ST8SIA5: variants seen among roughly 807,000 people sequenced by gnomAD.
The protein encoded by ST8SIA5 is ST8 alpha-N-acetyl-neuraminide alpha-2,8-sialyltransferase 5.
A neutral mutation model predicts 40.2 loss-of-function variants in ST8SIA5; 24 were observed. That is an observed-to-expected ratio of 0.60 (90% CI 0.43 to 0.84). ST8SIA5 has a LOEUF of 0.84. Ranked by LOEUF, ST8SIA5 falls within the 40% of genes least tolerant of loss-of-function variation. The pLI is 0.00. For synonymous variants in ST8SIA5, 198 were observed against 201.8 expected, an observed-to-expected ratio of 0.98 and a Z score of 0.16; for missense variants, 465 against 498.5, an observed-to-expected ratio of 0.93 and a Z score of 0.64.
chr18:46,712,623 T>A (rs1020486341), intron 1 of ST8SIA5, among the ~76,000 whole-genome samples: 1 of 152,170 alleles, frequency 6.6e-6, no homozygotes, highest in Admixed American at 6.5e-5. Flanking sequence ...AGCTCCTCCA[T>A]GGCCTGTCTG....
rs983719306 is a variant in ST8SIA5, at chr18:46,756,472, A to G, written c.37T>C (p.Leu13=). 1.2e-6 allele frequency: 2 copies of G among 1,613,100 alleles called. No individual in the cohort carries two copies. The highest frequency in any genetic ancestry group is 1.3e-5 in the African/African-American group (1 of 74,986). The change falls in exon 1 of 7, where the codon TTG becomes CTG. Residue 13 remains leucine (L), a synonymous_variant. Transcript: ENST00000315087. Reference sequence around the variant, plus strand: ...ATGAAGAGCAAAGTTCGGCTCCCCAACAAATCCCGGTTGGCCGAGGGGTCC... The same window carrying G: ...ATGAAGAGCAAAGTTCGGCTCCCCAGCAAATCCCGGTTGGCCGAGGGGTCC... ...YADPSANRDL[L]GSRTLLFIFI... is the part of the protein sequence containing the mutation.
chr18:46,755,989 C>A (rs1048155983), intron 1 of ST8SIA5, among the ~76,000 whole-genome samples: 1 of 152,176 alleles, frequency 6.6e-6, no homozygotes, highest in Non-Finnish European at 1.5e-5. Context: ...AACAAACAAA[C>A]AATCGATACG....
chr18:46,732,056 C>T (rs1342201384), intron 1 of ST8SIA5, among the ~76,000 whole-genome samples: 1 of 152,134 alleles, frequency 6.6e-6, no homozygotes, highest in Non-Finnish European at 1.5e-5. Context: ...CTCATTTGTC[C>T]AAGAGGGGCA....
intron 2 of ST8SIA5, 151 bp from the exon 3 acceptor site, chr18:46,692,406 TTTC>T (rs2039515068): frequency 3.1e-6 from 2 of 642,332 alleles, no homozygotes; most frequent in South Asian, 1.9e-5. Context: ...TCTTTCTTTG[TTTC>T]TTTTTTTTTT....
chr18:46,705,841 G>T (rs968934375), intron 1 of ST8SIA5, among the ~76,000 whole-genome samples: 2 of 152,228 alleles, frequency 1.3e-5, no homozygotes, highest in Non-Finnish European at 2.9e-5. Flanking sequence ...GGTGAGAGGG[G>T]CTCCCCAGGG....
intron 1 of ST8SIA5, among the ~76,000 whole-genome samples, chr18:46,733,543 AC>A (rs1405469520): frequency 6.6e-6 from 1 of 151,918 alleles, no homozygotes; most frequent in African/African-American, 2.4e-5. Flanking sequence ...ACGACAATAA[AC>A]TAACAGGCGA....
chr18:46,711,284 C>T (rs111925391), intron 1 of ST8SIA5, among the ~76,000 whole-genome samples: 1,940 of 152,220 alleles, frequency 0.013, 37 homozygotes, highest in African/African-American at 0.045. Flanking sequence ...AGCCTGATAC[C>T]AGACCATTTA....
chr18:46,697,461 GC>G (rs1207507975), intron 2 of ST8SIA5, among the ~76,000 whole-genome samples: 1 of 152,120 alleles, frequency 6.6e-6, no homozygotes, highest in Non-Finnish European at 1.5e-5. Context: ...GTATGTGGAA[GC>G]AAAAAGAGGA....
At chr18:46,718,049 C>T (rs985517326) in intron 1 of ST8SIA5, among the ~76,000 whole-genome samples, 3 of 152,168 alleles carry the variant, frequency 2.0e-5, no homozygotes, top group African/African-American at 7.2e-5. Context: ...ATTATTCCGG[C>T]TGGGTGCTGT....
intron 1 of ST8SIA5, among the ~76,000 whole-genome samples, chr18:46,712,212 C>T (rs2039739650): frequency 6.6e-6 from 1 of 152,194 alleles, no homozygotes; most frequent in South Asian, 2.1e-4. Context: ...AAATTCAGCT[C>T]AACAGCCAGG....
At chr18:46,729,720 C>T (rs1040464508) in intron 1 of ST8SIA5, among the ~76,000 whole-genome samples, 1 of 152,218 alleles carries the variant, frequency 6.6e-6, no homozygotes, top group Non-Finnish European at 1.5e-5. Flanking sequence ...TAACCTGTCA[C>T]TAAGACTCCA....
At chr18:46,735,989 T>G (rs531855435) in intron 1 of ST8SIA5, among the ~76,000 whole-genome samples, 64 of 152,322 alleles carry the variant, frequency 4.2e-4, no homozygotes, top group African/African-American at 1.5e-3. Flanking sequence ...GTTCTCTCTG[T>G]GTTGTTACAG....
At position 46,680,018 on chromosome 18, in the gene ST8SIA5, GC is replaced by G; in HGVS notation, c.*23del. On this transcript the variant is annotated 3_prime_UTR_variant, in exon 7 of 7. Coordinates refer to ENST00000315087, the MANE Select transcript of ST8SIA5 (RefSeq NM_013305.6). ...GACAGCAGGAGAGGGGGCGCCGCTTGCCGGGCAGCCTGGCTGGCAGCCATCA... is the reference window on the plus strand; with the variant it reads ...GACAGCAGGAGAGGGGGCGCCGCTTGCGGGCAGCCTGGCTGGCAGCCATCA... 6.3e-7 allele frequency: 1 copy of G among 1,581,008 alleles called. No homozygotes were observed. Among genetic ancestry groups the G allele is most frequent in the African/African-American group, 1.3e-5 (1 of 74,542 alleles).
chr18:46,682,223 C>T (rs1394752625), intron 5 of ST8SIA5, among the ~76,000 whole-genome samples, 159 bp from the exon 6 acceptor site: 1 of 152,244 alleles, frequency 6.6e-6, no homozygotes, highest in Non-Finnish European at 1.5e-5. Context: ...GACAGTGGTC[C>T]TTCTGCTCCT....
Position 46,670,201 on chromosome 18 carries a change from T to C in ST8SIA5, c.*9841A>G, listed in dbSNP as rs1433878069. The C allele has an allele frequency of 6.6e-6, 1 of 152,180 alleles. No homozygotes were observed. Among genetic ancestry groups the C allele is most frequent in the Non-Finnish European group, 1.5e-5 (1 of 68,036 alleles). The allele number at this position is 152,180 out of a possible 1,614,324, so 9.4% of individuals were successfully genotyped here. Reference sequence around the variant, plus strand: ...GCACCAAGACTTTTGTGAAAGTATTTTAACTGTTTGGGGATGGAAATAATT... The same window carrying C: ...GCACCAAGACTTTTGTGAAAGTATTCTAACTGTTTGGGGATGGAAATAATT... On this transcript the variant is annotated 3_prime_UTR_variant, in exon 7 of 7. Coordinates refer to ENST00000315087, the MANE Select transcript of ST8SIA5 (RefSeq NM_013305.6).
At chr18:46,685,007 G>A (rs1327527792) in intron 5 of ST8SIA5, among the ~76,000 whole-genome samples, 1 of 152,150 alleles carries the variant, frequency 6.6e-6, no homozygotes, top group Non-Finnish European at 1.5e-5. Flanking sequence ...GCAGTTGCCG[G>A]CACTAACTGG....
chr18:46,707,549 A>T (rs1448037529), intron 1 of ST8SIA5, among the ~76,000 whole-genome samples: 1 of 152,182 alleles, frequency 6.6e-6, no homozygotes, highest in Middle Eastern at 3.2e-3. Context: ...CAGCATCATG[A>T]TTCCAAATGA....
intron 1 of ST8SIA5, among the ~76,000 whole-genome samples, chr18:46,750,392 G>A (rs531576618): frequency 1.3e-5 from 2 of 152,210 alleles, no homozygotes; most frequent in Non-Finnish European, 2.9e-5. Flanking sequence ...GGGTCAGTGG[G>A]GGACTTAAAA....
rs2039319799 is a variant in ST8SIA5, at chr18:46,673,264, G to A, written c.*6778C>T. Reference sequence around the variant, plus strand: ...AATTACAAATGAAAAAGAAATCTTTGTTTGTGTTAAAGCAAAACCAATTTT... The same window carrying A: ...AATTACAAATGAAAAAGAAATCTTTATTTGTGTTAAAGCAAAACCAATTTT... On this transcript the variant is annotated 3_prime_UTR_variant, in exon 7 of 7. Coordinates refer to ENST00000315087, the MANE Select transcript of ST8SIA5 (RefSeq NM_013305.6). The A allele has an allele frequency of 6.6e-6, 1 of 152,132 alleles. No individual in the cohort carries two copies. The highest frequency in any genetic ancestry group is 2.4e-5 in the African/African-American group (1 of 41,426). 9.4% of individuals were successfully genotyped at this position (152,132 alleles called of 1,614,324 possible).
Sources: allele counts gnomAD v4.1 joint callset (sites outside exome capture counted in the v4.1 genomes callset), GRCh38; gene constraint gnomAD v4.1.1; transcripts MANE v1.5; gene names NCBI Gene and HGNC (gene_info 2026-07-23, HGNC 2026-07-21).